ITPR2: variants seen among roughly 807,000 people sequenced by gnomAD.
ITPR2 encodes inositol 1,4,5-trisphosphate receptor type 2.
A neutral mutation model predicts 317.1 loss-of-function variants in ITPR2; 207 were observed. The observed-to-expected ratio is 0.65, with a 90% CI of 0.58 to 0.73. The LOEUF is 0.73. ITPR2 is among the 30% of genes least tolerant of loss of function. The pLI, the probability that ITPR2 is intolerant of heterozygous loss-of-function variation, is 0.00. For missense variants in ITPR2, 2,613 were observed against 3,284.0 expected (o/e 0.80, Z 4.99); for synonymous variants, 1,156 against 1,149.1 (o/e 1.01, Z -0.12).
rs183393261 is a variant in ITPR2 at position 26,415,545 on chromosome 12, A to T, written c.7111-47T>A. 5.4e-6 allele frequency: 7 copies of T among 1,289,134 alleles called. No homozygotes were observed. In the East Asian group the frequency reaches 1.8e-4, roughly 33 times the overall value. The allele number at this position is 1,289,134 out of a possible 1,614,324, so 79.9% of individuals were successfully genotyped here. On this transcript the variant is annotated intron_variant, in intron 50 of 56. Transcript: ENST00000381340. ...TAATAAGAAAAGAAGGCATTGGAGG[A>T]AAAGGTGAACAAACAAAAATATAAT...
intron 23 of ITPR2, among the ~76,000 whole-genome samples, chr12:26,624,569 G>T (rs1946577215): frequency 1.3e-5 from 2 of 152,128 alleles, no homozygotes; most frequent in South Asian, 4.1e-4. Context: ...ACAGGTTTAT[G>T]AAAAGGTGCT....
chr12:26,821,489 C>G (rs957855745), intron 1 of ITPR2, among the ~76,000 whole-genome samples: 3 of 152,182 alleles, frequency 2.0e-5, no homozygotes, highest in Non-Finnish European at 4.4e-5. Flanking sequence ...TATTGAGATT[C>G]CCAAAGCAGC....
rs759542652 is a variant in ITPR2 at position 26,722,489 on chromosome 12, T to C, written c.433A>G (p.Asn145Asp). The change falls in exon 5 of 57, where the codon AAT becomes GAT. Residue 145 changes from asparagine (N) to aspartate (D), a missense_variant. By Grantham distance (23) the Asn-to-Asp change is conservative. Transcript: ENST00000381340. ...NKRLPALLEKNAMRVSLDAAG... is the reference protein window; with the variant it reads ...NKRLPALLEKDAMRVSLDAAG... Reference sequence around the variant, plus strand: ...GCATCCAAGGACACACGCATGGCATTCTTCTCCAGTAAAGCAGGTAATCTC... The same window carrying C: ...GCATCCAAGGACACACGCATGGCATCCTTCTCCAGTAAAGCAGGTAATCTC... 6.2e-7 allele frequency: 1 copy of C among 1,613,256 alleles called. No homozygotes were observed.
intron 55 of ITPR2, among the ~76,000 whole-genome samples, chr12:26,348,437 G>T (rs1248888171): frequency 6.6e-6 from 1 of 152,188 alleles, no homozygotes; most frequent in African/African-American, 2.4e-5. Flanking sequence ...GGCCTTGAGG[G>T]CAGATTAGGC....
intron 9 of ITPR2, among the ~76,000 whole-genome samples, chr12:26,699,877 G>C (rs1948414746): frequency 6.6e-6 from 1 of 151,890 alleles, no homozygotes; most frequent in African/African-American, 2.4e-5. Flanking sequence ...AAAAAGACAT[G>C]GTCATATGGA....
chr12:26,516,310 A>AGGAAGGGAAAGGAAG (rs1565574702), intron 37 of ITPR2, among the ~76,000 whole-genome samples: 1 of 125,072 alleles, frequency 8.0e-6, no homozygotes, highest in Non-Finnish European at 1.7e-5. Context: ...AGGAAAGGAA[A>AGGAAGGGAAAGGAAG]GGAAAGGAAA....
chr12:26,828,863 G>A (rs1222179438), intron 1 of ITPR2, among the ~76,000 whole-genome samples: 1 of 152,184 alleles, frequency 6.6e-6, no homozygotes, highest in Non-Finnish European at 1.5e-5. Context: ...GATGGCTGGA[G>A]GTACAGAGTA....
intron 37 of ITPR2, among the ~76,000 whole-genome samples, chr12:26,496,823 A>G (rs1408834898): frequency 6.6e-6 from 1 of 151,702 alleles, no homozygotes; most frequent in Non-Finnish European, 1.5e-5. Context: ...GGGCGCCTGT[A>G]GTCCCAGCTA....
intron 13 of ITPR2, among the ~76,000 whole-genome samples, chr12:26,675,765 T>C (rs1475497517): frequency 6.6e-6 from 1 of 152,208 alleles, no homozygotes; most frequent in Non-Finnish European, 1.5e-5. Flanking sequence ...GACAGCAGAT[T>C]TCTTAACAGC....
rs780754937 is a variant in ITPR2 at position 26,387,423 on chromosome 12, T to C, written c.7857+11A>G. 1.9e-6 allele frequency: 3 copies of C among 1,612,692 alleles called. No individual in the cohort carries two copies. The South Asian group carries it at 3.3e-5, about 18-fold the overall frequency. On this transcript the variant is annotated intron_variant, in intron 55 of 56. Coordinates refer to ENST00000381340, the MANE Select transcript of ITPR2 (RefSeq NM_002223.4). ...AATATAGTCACAAATTAAAACCTTC[T>C]GGTCACTCACCACAATCATTTGAGC...
intron 2 of ITPR2, among the ~76,000 whole-genome samples, chr12:26,783,725 A>G (rs1270321094): frequency 6.6e-6 from 1 of 152,220 alleles, no homozygotes; most frequent in Non-Finnish European, 1.5e-5. Flanking sequence ...TGAGGGCATA[A>G]TACCCTCATT....
At chr12:26,731,232 T>C (rs903971826) in intron 2 of ITPR2, among the ~76,000 whole-genome samples, 2 of 152,190 alleles carry the variant, frequency 1.3e-5, no homozygotes, top group Non-Finnish European at 2.9e-5. Flanking sequence ...TCTTTCACGG[T>C]AGCCTGTAAA....
intron 49 of ITPR2, among the ~76,000 whole-genome samples, chr12:26,422,947 A>G (rs1462118410): frequency 6.6e-6 from 1 of 152,202 alleles, no homozygotes; most frequent in African/African-American, 2.4e-5. Flanking sequence ...GGGGCATTAC[A>G]TCTACAGCAG....
chr12:26,670,543 C>T (rs1484725426), intron 13 of ITPR2, among the ~76,000 whole-genome samples: 1 of 152,138 alleles, frequency 6.6e-6, no homozygotes, highest in African/African-American at 2.4e-5. Context: ...ACCAAAAACC[C>T]ATCTGTACAT....
intron 42 of ITPR2, among the ~76,000 whole-genome samples, chr12:26,481,796 T>C (rs1170981984): frequency 6.6e-6 from 1 of 152,208 alleles, no homozygotes; most frequent in African/African-American, 2.4e-5. Flanking sequence ...CTCCTGATGT[T>C]TGGGGACATG....
chr12:26,749,198 G>T (rs948717710), intron 2 of ITPR2, among the ~76,000 whole-genome samples: 1 of 152,150 alleles, frequency 6.6e-6, no homozygotes, highest in Admixed American at 6.5e-5. Flanking sequence ...TGAACTCATG[G>T]TTATGATTAG....
chr12:26,623,361 C>CA (rs1279382350), intron 24 of ITPR2: 1 of 152,196 alleles, frequency 6.6e-6, no homozygotes, highest in Non-Finnish European at 1.5e-5. Flanking sequence ...GTAGCCGTAT[C>CA]AGTCATCAGG....
intron 47 of ITPR2, among the ~76,000 whole-genome samples, chr12:26,438,004 C>T (rs948885747): frequency 1.3e-5 from 2 of 152,076 alleles, no homozygotes; most frequent in East Asian, 1.9e-4. Context: ...GGTTTCACTG[C>T]GTTAGCCAGG....
intron 52 of ITPR2, among the ~76,000 whole-genome samples, chr12:26,411,058 G>T (rs926499025): frequency 2.0e-5 from 3 of 152,246 alleles, no homozygotes; most frequent in African/African-American, 7.2e-5. Context: ...TATGGTAATA[G>T]AATCTTCAGC....
Sources: allele counts gnomAD v4.1 joint callset (sites outside exome capture counted in the v4.1 genomes callset), GRCh38; gene constraint gnomAD v4.1.1; transcripts MANE v1.5; gene names NCBI Gene and HGNC (gene_info 2026-07-23, HGNC 2026-07-21).